NXPH1: variants seen among roughly 807,000 people sequenced by gnomAD.
The protein encoded by NXPH1 is neurexophilin 1, also known as neurexophilin-1.
Under a neutral mutation model 23.7 loss-of-function variants are expected in NXPH1, and 5 were observed. The ratio of observed to expected loss-of-function variants is 0.21; its 90% CI spans 0.11 to 0.44. NXPH1 has a LOEUF of 0.44. Ranked by LOEUF, NXPH1 falls within the 20% of genes least tolerant of loss-of-function variation. The probability of loss-of-function intolerance (pLI) is 0.99; values close to 1 mark genes in which losing one functional copy is unlikely to be tolerated. For synonymous variants in NXPH1, 144 were observed against 122.2 expected (o/e 1.18, Z -1.18); for missense variants, 324 against 321.6 (o/e 1.01, Z -0.06).
intron 2 of NXPH1, among the ~76,000 whole-genome samples, chr7:8,700,861 T>G (rs1456678560): frequency 6.6e-6 from 1 of 152,094 alleles, no homozygotes; most frequent in Non-Finnish European, 1.5e-5. Flanking sequence ...TCTAGTCCAC[T>G]GCTTGTTTTT....
intron 2 of NXPH1, among the ~76,000 whole-genome samples, chr7:8,701,092 T>C (rs1263529865): frequency 1.3e-5 from 2 of 152,090 alleles, no homozygotes; most frequent in Non-Finnish European, 2.9e-5. Context: ...CTTTTATTCA[T>C]ATTCATATTC....
At chr7:8,457,455 C>A (rs1191462259) in intron 2 of NXPH1, among the ~76,000 whole-genome samples, 1 of 151,936 alleles carries the variant, frequency 6.6e-6, no homozygotes, top group African/African-American at 2.4e-5. Flanking sequence ...GGCCCACATT[C>A]TTAACATAGT....
intron 2 of NXPH1, among the ~76,000 whole-genome samples, chr7:8,647,839 A>G (rs143841977): frequency 0.013 from 1,998 of 151,604 alleles, 15 homozygotes; most frequent in Non-Finnish European, 0.022. Context: ...TTTTATCCCT[A>G]ACCCATTATC....
At chr7:8,599,115 A>G (rs1455016682) in intron 2 of NXPH1, among the ~76,000 whole-genome samples, 1 of 152,164 alleles carries the variant, frequency 6.6e-6, no homozygotes, top group Non-Finnish European at 1.5e-5. Context: ...ACAATGTAGA[A>G]TGAACTGTGT....
intron 2 of NXPH1, among the ~76,000 whole-genome samples, chr7:8,451,600 T>A (rs1367279791): frequency 6.6e-6 from 1 of 152,236 alleles, no homozygotes; most frequent in African/African-American, 2.4e-5. Flanking sequence ...GTCTTTTGTC[T>A]GAGTAGGTAT....
chr7:8,623,914 G>A (rs59581478), intron 2 of NXPH1, among the ~76,000 whole-genome samples: 50,188 of 151,540 alleles, frequency 0.33, 9,586 homozygotes, highest in African/African-American at 0.52. Flanking sequence ...ATCCAGATAT[G>A]GATCTAGAAG....
At chr7:8,525,367 A>C (rs1281799853) in intron 2 of NXPH1, among the ~76,000 whole-genome samples, 1 of 152,220 alleles carries the variant, frequency 6.6e-6, no homozygotes, top group Non-Finnish European at 1.5e-5. Flanking sequence ...TTATAAAAGA[A>C]GCAAGAATAA....
chr7:8,686,333 A>G (rs1031682610), intron 2 of NXPH1, among the ~76,000 whole-genome samples: 3 of 152,098 alleles, frequency 2.0e-5, no homozygotes, highest in Admixed American at 2.0e-4. Context: ...AAAAAGAACC[A>G]TTATCATTTC....
intron 2 of NXPH1, among the ~76,000 whole-genome samples, chr7:8,697,511 C>T (rs1261256701): frequency 6.6e-6 from 1 of 152,098 alleles, no homozygotes; most frequent in Non-Finnish European, 1.5e-5. Context: ...TTTAGACAGA[C>T]TGAAGTGCTG....
chr7:8,527,412 A>G (rs1409147906), intron 2 of NXPH1, among the ~76,000 whole-genome samples: 2 of 152,176 alleles, frequency 1.3e-5, no homozygotes, highest in Non-Finnish European at 2.9e-5. Flanking sequence ...TGCAGTGTAT[A>G]CAACTCATTT....
chr7:8,469,846 CATT>C (rs1037153553), intron 2 of NXPH1, among the ~76,000 whole-genome samples: 4 of 152,088 alleles, frequency 2.6e-5, no homozygotes, highest in African/African-American at 9.7e-5. Flanking sequence ...TGTGAAATGT[CATT>C]ATCCTTACTC....
intron 2 of NXPH1, among the ~76,000 whole-genome samples, chr7:8,595,838 G>T (rs1228782188): frequency 6.6e-6 from 1 of 151,902 alleles, no homozygotes; most frequent in Non-Finnish European, 1.5e-5. Context: ...CTTTACCATC[G>T]CTTTTAGTGA....
chr7:8,475,107 G>A (rs1192923184), intron 2 of NXPH1, among the ~76,000 whole-genome samples: 1 of 152,088 alleles, frequency 6.6e-6, no homozygotes, highest in Admixed American at 6.6e-5. Flanking sequence ...TTTTCCTGCA[G>A]TGTATTATTC....
chr7:8,729,446 G>A (rs1482234471), intron 2 of NXPH1, among the ~76,000 whole-genome samples: 2 of 139,008 alleles, frequency 1.4e-5, no homozygotes, highest in African/African-American at 5.7e-5. Context: ...TGTCAATTTT[G>A]GATCTTTCCT....
At chr7:8,574,260 GT>G (rs1818708700) in intron 2 of NXPH1, among the ~76,000 whole-genome samples, 2 of 147,524 alleles carry the variant, frequency 1.4e-5, no homozygotes, top group South Asian at 2.1e-4. Flanking sequence ...AGGCAAAACT[GT>G]TTTTTTAAAT....
intron 2 of NXPH1, among the ~76,000 whole-genome samples, chr7:8,561,025 G>A (rs1818434618): frequency 6.6e-6 from 1 of 151,510 alleles, no homozygotes; most frequent in Admixed American, 6.6e-5. Flanking sequence ...AAGTACAACA[G>A]CAACCCCTCT....
At chr7:8,528,766 C>A (rs540217741) in intron 2 of NXPH1, among the ~76,000 whole-genome samples, 1 of 152,154 alleles carries the variant, frequency 6.6e-6, no homozygotes, top group South Asian at 2.1e-4. Flanking sequence ...TTTTCTTGTC[C>A]CAGGTGGACC....
chr7:8,739,593 G>C (rs1780326526), intron 2 of NXPH1, among the ~76,000 whole-genome samples: 1 of 152,040 alleles, frequency 6.6e-6, no homozygotes, highest in African/African-American at 2.4e-5. Flanking sequence ...TTCCTATTTG[G>C]TCATCTTGCC....
At chr7:8,687,705 T>C (rs1821168732) in intron 2 of NXPH1, among the ~76,000 whole-genome samples, 2 of 152,142 alleles carry the variant, frequency 1.3e-5, no homozygotes, top group African/African-American at 4.8e-5. Flanking sequence ...GATGAGATTT[T>C]TACGGAGCAA....
Sources: allele counts gnomAD v4.1 joint callset (sites outside exome capture counted in the v4.1 genomes callset), GRCh38; gene constraint gnomAD v4.1.1; transcripts MANE v1.5; gene names NCBI Gene and HGNC (gene_info 2026-07-23, HGNC 2026-07-21).